The following SNX8 variants were observed in gnomAD, a reference collection of about 807,000 sequenced individuals.
SNX8 encodes sorting nexin-8.
SNX8 carries 25 observed loss-of-function variants against 51.6 expected under a neutral mutation model. That is an observed-to-expected ratio of 0.48 (90% CI 0.35 to 0.68). The LOEUF is 0.68. SNX8 is among the 30% of genes least tolerant of loss of function. The probability of loss-of-function intolerance (pLI) is 0.00; values close to 1 mark genes in which losing one functional copy is unlikely to be tolerated. For missense variants in SNX8, 695 were observed against 624.0 expected, an observed-to-expected ratio of 1.11 and a Z score of -1.21; for synonymous variants, 324 against 277.0, an observed-to-expected ratio of 1.17 and a Z score of -1.68.
At chr7:2,274,689 G>A (rs1288005799) in intron 3 of SNX8, among the ~76,000 whole-genome samples, 3 of 152,234 alleles carry the variant, frequency 2.0e-5, no homozygotes, top group Admixed American at 1.3e-4. Context: ...GCCACCGAGC[G>A]CTCCCATGGT....
chr7:2,272,049 C>A (rs1795660673), intron 3 of SNX8, 78 bp from the exon 4 acceptor site: 2 of 1,587,836 alleles, frequency 1.3e-6, no homozygotes, highest in Non-Finnish European at 1.7e-6. Flanking sequence ...GTTCTCAAAA[C>A]TCTCCCTAGA....
At chr7:2,301,945 C>T (rs1320769579) in intron 1 of SNX8, among the ~76,000 whole-genome samples, 2 of 152,150 alleles carry the variant, frequency 1.3e-5, no homozygotes, top group Non-Finnish European at 2.9e-5. Context: ...TCCAGGCTCT[C>T]AAAGAGTTGG....
chr7:2,295,174 C>T (rs1273226095), intron 1 of SNX8, among the ~76,000 whole-genome samples: 1 of 152,034 alleles, frequency 6.6e-6, no homozygotes, highest in Non-Finnish European at 1.5e-5. Flanking sequence ...GAGGCCAAGG[C>T]GGGCAGATCA....
At chr7:2,267,920 C>T (rs1416711498) in intron 5 of SNX8, among the ~76,000 whole-genome samples, 1 of 111,274 alleles carries the variant, frequency 9.0e-6, no homozygotes, top group Non-Finnish European at 1.9e-5. Flanking sequence ...CGTCTCTGCC[C>T]GGCCGCCCAT....
At chr7:2,276,377 C>T (rs1795780915) in intron 2 of SNX8, among the ~76,000 whole-genome samples, 1 of 152,244 alleles carries the variant, frequency 6.6e-6, no homozygotes, top group South Asian at 2.1e-4. Context: ...CACGGTCCTC[C>T]AAGGGAGTCC....
At chr7:2,261,762 C>A (rs1795342189) in intron 7 of SNX8, among the ~76,000 whole-genome samples, 1 of 152,172 alleles carries the variant, frequency 6.6e-6, no homozygotes, top group Non-Finnish European at 1.5e-5. Flanking sequence ...GGAAGAAAAC[C>A]CAAGACTTTC....
chr7:2,338,851 C>A (rs1210992127), intron 1 of SNX8, among the ~76,000 whole-genome samples: 5 of 152,082 alleles, frequency 3.3e-5, no homozygotes, highest in South Asian at 2.1e-4. Flanking sequence ...TCACTTGAGT[C>A]TGGGAGTTTA....
At chr7:2,283,818 C>T (rs180885506) in intron 1 of SNX8, among the ~76,000 whole-genome samples, 83 of 152,264 alleles carry the variant, frequency 5.5e-4, no homozygotes, top group African/African-American at 1.9e-3. Context: ...GAGGGGGTGC[C>T]GGAGTCTTAC....
In SNX8 at chr7:2,291,677, G is replaced by A. The variant is rs559380307; in HGVS notation, c.95-13372C>T. ...CTGGTCCTGATTACTGAGAATTTCT[G>A]AAATCAGTTCTCTCCAGGCTCCAAG... On this transcript the variant is annotated intron_variant, in intron 1 of 10. Coordinates refer to ENST00000222990, the MANE Select transcript of SNX8 (RefSeq NM_013321.4). Among the ~76,000 whole-genome samples, 287 of 151,650 alleles carry A rather than the reference G, an allele frequency of 1.9e-3. 1 individual carries two copies. Among genetic ancestry groups the A allele is most frequent in the Admixed American group, 3.4e-3 (52 of 15,250 alleles).
At chr7:2,262,544 C>A (rs1028149937) in intron 7 of SNX8, among the ~76,000 whole-genome samples, 1 of 152,084 alleles carries the variant, frequency 6.6e-6, no homozygotes, top group Non-Finnish European at 1.5e-5. Flanking sequence ...CTTTATTATT[C>A]TGATGAGTTA....
intron 1 of SNX8, among the ~76,000 whole-genome samples, chr7:2,293,022 A>C (rs184634406): frequency 6.6e-6 from 1 of 151,894 alleles, no homozygotes; most frequent in African/African-American, 2.4e-5. Flanking sequence ...CTTATACCTA[A>C]AAATAATAAG....
chr7:2,294,357 AAGAC>A (rs1327754519), intron 1 of SNX8, among the ~76,000 whole-genome samples: 1 of 152,130 alleles, frequency 6.6e-6, no homozygotes, highest in Non-Finnish European at 1.5e-5. Flanking sequence ...TATAATCACA[AAGAC>A]AGGCAGTCAC....
At chr7:2,299,617 G>C (rs183786858) in intron 1 of SNX8, among the ~76,000 whole-genome samples, 1 of 152,250 alleles carries the variant, frequency 6.6e-6, no homozygotes, top group East Asian at 1.9e-4. Flanking sequence ...GGAGTTTGGA[G>C]TTCCAAAAAG....
At chr7:2,277,417 T>C (rs1430665111) in intron 2 of SNX8, among the ~76,000 whole-genome samples, 1 of 152,188 alleles carries the variant, frequency 6.6e-6, no homozygotes, top group Non-Finnish European at 1.5e-5. Flanking sequence ...GCTGACATTC[T>C]AATCCTCGGG....
intron 4 of SNX8, among the ~76,000 whole-genome samples, chr7:2,271,511 A>C (rs182042081): frequency 1.3e-4 from 20 of 152,312 alleles, no homozygotes; most frequent in African/African-American, 4.8e-4. Flanking sequence ...CCTTAGTCAG[A>C]CAGGGCCTTG....
intron 5 of SNX8, among the ~76,000 whole-genome samples, chr7:2,267,618 A>G (rs373344666): frequency 0.011 from 1,630 of 145,074 alleles, 10 homozygotes; most frequent in Middle Eastern, 0.034. Context: ...TCAGTGCTCA[A>G]TGGTGCCCAG....
At chr7:2,289,374 T>C (rs1350694148) in intron 1 of SNX8, among the ~76,000 whole-genome samples, 1 of 152,188 alleles carries the variant, frequency 6.6e-6, no homozygotes, top group Non-Finnish European at 1.5e-5. Flanking sequence ...TTCAGCTTGG[T>C]AAATATTTCA....
chr7:2,320,044 C>T (rs1796809370), intron 1 of SNX8, among the ~76,000 whole-genome samples: 1 of 151,894 alleles, frequency 6.6e-6, no homozygotes. Context: ...TACAATAATA[C>T]CTTTATTGTA....
intron 1 of SNX8, among the ~76,000 whole-genome samples, chr7:2,287,666 G>A (rs1254274445): frequency 1.3e-5 from 2 of 151,980 alleles, no homozygotes; most frequent in South Asian, 2.1e-4. Flanking sequence ...CAGGAGAATC[G>A]CTTGAACCCA....
Sources: allele counts gnomAD v4.1 joint callset (sites outside exome capture counted in the v4.1 genomes callset), GRCh38; gene constraint gnomAD v4.1.1; transcripts MANE v1.5; gene names NCBI Gene and HGNC (gene_info 2026-07-23, HGNC 2026-07-21).